LHX8: variants seen among roughly 807,000 people sequenced by gnomAD.
The protein encoded by LHX8 is LIM homeobox 8, also known as LIM/homeobox protein Lhx8.
A neutral mutation model predicts 40.3 loss-of-function variants in LHX8; 12 were observed. That is an observed-to-expected ratio of 0.30 (90% confidence interval 0.19 to 0.48). The LOEUF (loss-of-function observed/expected upper bound fraction) is 0.48, where lower values mean the gene tolerates loss of function less well. Ranked by LOEUF, LHX8 falls within the 20% of genes least tolerant of loss-of-function variation. LHX8 has a pLI of 0.99. For synonymous variants in LHX8, 179 were observed against 162.0 expected, an observed-to-expected ratio of 1.10 and a Z score of -0.80; for missense variants, 344 against 433.7, an observed-to-expected ratio of 0.79 and a Z score of 1.84.
chr1:75,146,363 G>A (rs143312873), intron 6 of LHX8, among the ~76,000 whole-genome samples: 154 of 152,196 alleles, frequency 1.0e-3, no homozygotes, highest in Non-Finnish European at 1.9e-3. Flanking sequence ...GGATGTATTG[G>A]CAAATATATT....
chr1:75,160,984 TTTTA>T lies in LHX8; in HGVS notation c.*94_*97del. On this transcript the variant is annotated 3_prime_UTR_variant, in exon 9 of 9. Coordinates refer to ENST00000356261, the MANE Select transcript of LHX8 (RefSeq NM_001256114.2). ...CATTGAAAAGATATTACTGTTAATT[TTTTA>T]TTTAACACCTAAAGCATTTCCAACA... is the stretch of plus-strand genomic sequence containing the variant. The T allele has an allele frequency of 6.8e-6, 7 of 1,023,350 alleles. No homozygotes were observed. Among genetic ancestry groups the T allele is most frequent in the South Asian group, 6.5e-5 (5 of 76,692 alleles). 63.4% of individuals were successfully genotyped at this position (1,023,350 alleles called of 1,614,324 possible). A position where few individuals can be genotyped will look rare whatever the true frequency, so the allele number is the denominator to read the frequency against.
At chr1:75,183,635 A>G in the LHX8 span, among the ~76,000 whole-genome samples, 1 of 152,210 alleles carries the variant, frequency 6.6e-6, no homozygotes, top group African/African-American at 2.4e-5. Flanking sequence ...AGCACTAAAT[A>G]TGGAAAGGAA....
At chr1:75,154,350 T>A (rs1349362876) in intron 7 of LHX8, among the ~76,000 whole-genome samples, 1 of 152,010 alleles carries the variant, frequency 6.6e-6, no homozygotes, top group Non-Finnish European at 1.5e-5. Context: ...ATTCTGCTGT[T>A]TATATTATAC....
chr1:75,136,599 G>A lies in LHX8; in HGVS notation c.-12-4G>A, dbSNP rs1470801410. 2 of 1,547,580 alleles carry A rather than the reference G, an allele frequency of 1.3e-6. No homozygotes were observed. Among genetic ancestry groups the A allele is most frequent in the African/African-American group, 1.4e-5 (1 of 72,980 alleles). On this transcript the variant is annotated splice_region_variant and splice_polypyrimidine_tract_variant and intron_variant, in intron 1 of 8. Coordinates refer to ENST00000356261, the MANE Select transcript of LHX8 (RefSeq NM_001256114.2). ...CCATACTTTCTCCCCCTCCTACTCC[G>A]CAGTGTCAGGGGCTCATGTCAGAGG...
downstream of LHX8, among the ~76,000 whole-genome samples, chr1:75,165,381 A>G (rs932086973): frequency 6.6e-6 from 1 of 152,162 alleles, no homozygotes; most frequent in African/African-American, 2.4e-5. Flanking sequence ...TAAATTAACA[A>G]ATTTCCCCCA....
chr1:75,175,014 T>C, the LHX8 span, among the ~76,000 whole-genome samples: 4 of 152,274 alleles, frequency 2.6e-5, no homozygotes, highest in Admixed American at 6.5e-5. Context: ...TCTTACGCTT[T>C]TGCGTCCTCA....
At chr1:75,130,408 A>C (rs940878707), upstream of LHX8, 2 of 526,792 alleles carry the variant, frequency 3.8e-6, no homozygotes, top group African/African-American at 3.8e-5. Flanking sequence ...ATCAGACCGC[A>C]GTGAGGAATG....
the LHX8 span, among the ~76,000 whole-genome samples, chr1:75,198,735 AT>A: frequency 1.3e-5 from 2 of 152,164 alleles, no homozygotes; most frequent in Admixed American, 6.6e-5. Context: ...TCAAGTCTTC[AT>A]TTTCATAATT....
At chr1:75,137,392 A>G in intron 3 of LHX8, 131 bp downstream of exon 3, 2 of 909,376 alleles carry the variant, frequency 2.2e-6, no homozygotes, top group Non-Finnish European at 1.7e-6. Context: ...TTTTGCAGAA[A>G]ATCAGCCCAG....
rs1197803184 is a variant in LHX8 at position 75,137,119 on chromosome 1, G to A, written c.95G>A (p.Gly32Glu). 1 of 1,607,504 alleles carries A rather than the reference G, an allele frequency of 6.2e-7. No homozygotes were observed. The highest frequency in any genetic ancestry group is 8.5e-7 in the Non-Finnish European group (1 of 1,175,940). ...EEGLVSPEGA[G>E]DEDSCSSSAP... ...CTGCAGGTGAGCCCCGAGGGAGCGG[G>A]GGACGAGGACTCGTGCTCCTCCTCG... Residue 32 changes from glycine to glutamate, a missense_variant, in exon 3 of 9, where the codon GGG (glycine) becomes GAG (glutamate). By Grantham distance (98) the Gly-to-Glu change is moderately conservative. Around this residue, in one of 3 missense-constraint regions of LHX8, gnomAD observed 108 missense variants for 90.1 expected, o/e 1.20. Coordinates refer to ENST00000356261, the MANE Select transcript of LHX8 (RefSeq NM_001256114.2).
intron 6 of LHX8, among the ~76,000 whole-genome samples, chr1:75,147,171 G>T (rs1316662889): frequency 2.6e-5 from 4 of 152,128 alleles, no homozygotes; most frequent in African/African-American, 4.8e-5. Flanking sequence ...AAAAATCCAT[G>T]TTCTGTTTAC....
Position 75,142,873 on chromosome 1 carries a change from C to T in LHX8, c.360-245C>T, listed in dbSNP as rs144163071. On this transcript the variant is annotated intron_variant, in intron 4 of 8. Coordinates refer to ENST00000356261, the MANE Select transcript of LHX8 (RefSeq NM_001256114.2). ...ACTCATTTTAAAAGAAAACTTCAAT[C>T]TTCTTTTAGAGGAACAGAGAAAAGG... Among the ~76,000 whole-genome samples, 622 of 152,184 alleles carry T rather than the reference C, an allele frequency of 4.1e-3. 19 individuals are homozygous for T. Among genetic ancestry groups the T allele is most frequent in the Admixed American group, 0.038 (578 of 15,282 alleles).
At chr1:75,139,360 T>G (rs1648247539) in intron 3 of LHX8, among the ~76,000 whole-genome samples, 1 of 152,100 alleles carries the variant, frequency 6.6e-6, no homozygotes, top group Non-Finnish European at 1.5e-5. Flanking sequence ...AGGAGGGAAG[T>G]GAACTTTGAA....
At chr1:75,140,809 T>A (rs952748293) in intron 3 of LHX8, among the ~76,000 whole-genome samples, 176 bp from the exon 4 acceptor site, 1 of 152,002 alleles carries the variant, frequency 6.6e-6, no homozygotes, top group Non-Finnish European at 1.5e-5. Flanking sequence ...AGATAATATA[T>A]CCAGATACAT....
chr1:75,143,877 A>G lies in LHX8; in HGVS notation c.613A>G (p.Thr205Ala), dbSNP rs1174714503. The G allele has an allele frequency of 6.2e-7, 1 of 1,613,376 alleles. No individual in the cohort carries two copies. The highest frequency in any genetic ancestry group is 1.1e-5 in the South Asian group (1 of 91,066). Residue 205 changes from threonine (T) to alanine (A), a missense_variant, in exon 6 of 9, where the codon ACA becomes GCA. Coordinates refer to ENST00000356261, the MANE Select transcript of LHX8 (RefSeq NM_001256114.2). ...NGISVEGALL[T>A]EQDVNHPKPA... ...GATTAGTGTGGAAGGTGCCCTCCTC[A>G]CAGAGCAAGATGTTAACCATCCAAA...
At chr1:75,137,949 G>T (rs7535534) in intron 3 of LHX8, among the ~76,000 whole-genome samples, 65,712 of 152,040 alleles carry the variant, frequency 0.43, 14,642 homozygotes, top group African/African-American at 0.51. Flanking sequence ...CAATGCTGTT[G>T]TTACATCATC....
Position 75,137,234 on chromosome 1 carries a change from G to T in LHX8, c.210G>T (p.Leu70=). The T allele has an allele frequency of 6.2e-7, 1 of 1,613,644 alleles. No individual in the cohort carries two copies. The highest frequency in any genetic ancestry group is 1.1e-5 in the South Asian group (1 of 91,070). ...AGTGTGTGTGCAACAGTTGCGGCCTGGAGATCGTGGACAAATACCTTCTCA... is the reference window on the plus strand; with the variant it reads ...AGTGTGTGTGCAACAGTTGCGGCCTTGAGATCGTGGACAAATACCTTCTCA... ...PGKCVCNSCG[L]EIVDKYLLKV... is the part of the protein sequence containing the mutation. The change falls in exon 3 of 9, where the codon CTG becomes CTT. Residue 70 remains leucine (L), a synonymous_variant. Transcript: ENST00000356261.
chr1:75,174,862 T>C, the LHX8 span, among the ~76,000 whole-genome samples: 5 of 152,148 alleles, frequency 3.3e-5, no homozygotes, highest in East Asian at 9.6e-4. Context: ...AAACAGGTGA[T>C]GTTTGGTTGT....
upstream of LHX8, chr1:75,130,255 A>C: frequency 5.2e-6 from 1 of 193,520 alleles, no homozygotes; most frequent in Non-Finnish European, 1.1e-5. Context: ...TTTCTTCCGT[A>C]GCGGACCGGG....
Sources: allele counts gnomAD v4.1 joint callset (sites outside exome capture counted in the v4.1 genomes callset), GRCh38; gene constraint gnomAD v4.1.1; regional missense constraint gnomAD v4.1.1; transcripts MANE v1.5; gene names NCBI Gene and HGNC (gene_info 2026-07-23, HGNC 2026-07-21).